Variants in RGS7 observed in about 807,000 individuals in gnomAD.
The protein encoded by RGS7 is regulator of G-protein signaling 7.
RGS7 carries 27 observed loss-of-function variants against 81.1 expected under a neutral mutation model. The observed-to-expected ratio is 0.33, with a 90% confidence interval of 0.25 to 0.46. The LOEUF (loss-of-function observed/expected upper bound fraction) is 0.46. Among genes scored for constraint, RGS7 ranks in the 20% least tolerant of loss-of-function variants. The pLI is 1.00. For synonymous variants in RGS7, 208 were observed against 207.7 expected (o/e 1.00, Z -0.01); for missense variants, 396 against 607.4 (o/e 0.65, Z 3.66).
intron 4 of RGS7, among the ~76,000 whole-genome samples, chr1:240,977,182 A>C (rs76737707): frequency 0.01 from 1,553 of 151,218 alleles, 26 homozygotes; most frequent in African/African-American, 0.036. Context: ...ATGAGTACTA[A>C]ATTTCAACAA....
chr1:241,280,672 T>C (rs1196158853), intron 2 of RGS7, among the ~76,000 whole-genome samples: 1 of 152,148 alleles, frequency 6.6e-6, no homozygotes, highest in African/African-American at 2.4e-5. Context: ...TATTTTTGTT[T>C]GTTTGTTTGA....
chr1:241,285,850 T>C (rs1163920268), intron 2 of RGS7, among the ~76,000 whole-genome samples: 1 of 152,182 alleles, frequency 6.6e-6, no homozygotes. Flanking sequence ...CGCCCCATCT[T>C]TTCCCCACTT....
chr1:241,315,107 CTTT>C (rs5782184), intron 2 of RGS7, among the ~76,000 whole-genome samples: 5 of 57,440 alleles, frequency 8.7e-5, no homozygotes, highest in African/African-American at 1.5e-4. Flanking sequence ...TCTTCTTCTT[CTTT>C]TTTTTTTTTT....
intron 4 of RGS7, among the ~76,000 whole-genome samples, chr1:240,951,803 A>G (rs1019620273): frequency 6.6e-6 from 1 of 151,338 alleles, no homozygotes; most frequent in Non-Finnish European, 1.5e-5. Flanking sequence ...AGAGAGAAAG[A>G]AAAGTAAATA....
chr1:240,775,861 T>C lies in RGS7; in HGVS notation c.*359A>G, dbSNP rs1682856120. The stretch of plus-strand genomic sequence containing the variant: ...GTGAACTGTGTGTCTAACTGAAGCT[T>C]TGAGAGAGAGAGAGAGAGAAAGAAG... On this transcript the variant is annotated 3_prime_UTR_variant, in exon 19 of 19. Coordinates refer to ENST00000440928, the MANE Select transcript of RGS7 (RefSeq NM_001364886.1). The C allele has an allele frequency of 3.0e-6, 1 of 332,314 alleles. No homozygotes were observed. The highest frequency in any genetic ancestry group is 5.7e-6 in the Non-Finnish European group (1 of 174,682). 20.6% of individuals were successfully genotyped at this position (332,314 alleles called of 1,614,324 possible). A position where few individuals can be genotyped will look rare whatever the true frequency, so the allele number is the denominator to read the frequency against.
At chr1:240,814,076 T>C (rs1304208634) in intron 12 of RGS7, among the ~76,000 whole-genome samples, 1 of 152,194 alleles carries the variant, frequency 6.6e-6, no homozygotes, top group Non-Finnish European at 1.5e-5. Context: ...GAACAGATTT[T>C]ATACAACTGA....
At chr1:240,958,128 G>A (rs1680760809) in intron 4 of RGS7, among the ~76,000 whole-genome samples, 2 of 152,232 alleles carry the variant, frequency 1.3e-5, no homozygotes, top group African/African-American at 2.4e-5. Flanking sequence ...CCTCAGGCCG[G>A]AGAAGGATGC....
intron 1 of RGS7, 66 bp from the exon 2 acceptor site, chr1:241,355,892 C>A (rs2083529922): frequency 3.6e-6 from 3 of 832,352 alleles, no homozygotes; most frequent in Non-Finnish European, 6.2e-6. Flanking sequence ...CATCATCATT[C>A]ACAGCACCCA....
intron 2 of RGS7, among the ~76,000 whole-genome samples, chr1:241,107,825 A>G (rs2065220081): frequency 6.6e-6 from 1 of 152,198 alleles, no homozygotes; most frequent in South Asian, 2.1e-4. Flanking sequence ...ACTTTGATTT[A>G]TAACACTGGA....
At chr1:241,001,316 T>C (rs1196664300) in intron 3 of RGS7, among the ~76,000 whole-genome samples, 1 of 152,108 alleles carries the variant, frequency 6.6e-6, no homozygotes, top group Non-Finnish European at 1.5e-5. Context: ...ATTGAGAGAA[T>C]TCCAAAAGGT....
intron 2 of RGS7, among the ~76,000 whole-genome samples, chr1:241,123,364 C>T (rs918544723): frequency 6.6e-6 from 1 of 152,186 alleles, no homozygotes; most frequent in African/African-American, 2.4e-5. Context: ...GAAGCAGAGA[C>T]AATGCCACTA....
At chr1:241,259,667 A>AAAAAAAAAAAAAAAAAAATATATATATAT in intron 2 of RGS7, among the ~76,000 whole-genome samples, 1 of 49,146 alleles carries the variant, frequency 2.0e-5, no homozygotes, top group Non-Finnish European at 3.6e-5. Context: ...AAAAAAAAAA[A>AAAAAAAAAAAAAAAAAAATATATATATAT]ATATATATAT....
chr1:241,227,570 C>CAA lies in RGS7; in HGVS notation c.78+128127_78+128128dup, dbSNP rs5782179. On this transcript the variant is annotated intron_variant, in intron 2 of 18. Coordinates refer to ENST00000440928, the MANE Select transcript of RGS7 (RefSeq NM_001364886.1). The stretch of plus-strand genomic sequence containing the variant: ...ACACACAGTGAGACTCTGTCTCTAC[C>CAA]AAAAAAAAAAAAAAAAAAATAGAAC... Among the ~76,000 whole-genome samples the CAA allele has an allele frequency of 2.9e-4, 30 of 103,724 alleles. 1 individual carries two copies. The highest frequency in any genetic ancestry group is 1.0e-3 in the African/African-American group (29 of 27,810). The allele number at this position is 103,724 out of a possible 152,430, so 68.0% of individuals were successfully genotyped here.
intron 6 of RGS7, among the ~76,000 whole-genome samples, chr1:240,878,041 A>G (rs2148067707): frequency 6.6e-6 from 1 of 151,984 alleles, no homozygotes; most frequent in African/African-American, 2.4e-5. Flanking sequence ...CCATTAAGTG[A>G]CCCTCTGGAT....
intron 2 of RGS7, among the ~76,000 whole-genome samples, chr1:241,211,107 A>G (rs758157001): frequency 1.4e-4 from 22 of 152,162 alleles, no homozygotes; most frequent in Non-Finnish European, 2.9e-4. Flanking sequence ...CAACATGGTA[A>G]AACCCCATCT....
intron 2 of RGS7, among the ~76,000 whole-genome samples, chr1:241,282,452 T>G (rs3964281): frequency 0.34 from 51,292 of 152,110 alleles, 9,501 homozygotes; most frequent in East Asian, 0.53. Context: ...CTGGACTCAT[T>G]CGTTAGTTCT....
In RGS7 at chr1:240,899,153, C is replaced by G. The variant is rs572699164; in HGVS notation, c.386-29034G>C. Among the ~76,000 whole-genome samples, 11 of 152,148 alleles carry G rather than the reference C, an allele frequency of 7.2e-5. No individual in the cohort carries two copies. The South Asian group carries it at 2.3e-3, about 32-fold the overall frequency. On this transcript the variant is annotated intron_variant, in intron 6 of 18. Transcript: ENST00000440928. ...TTTGCTTGGTAGATCTTCCTCCATCCCTTTATTTTGAGCCTATGTGTTGTC... is the reference window on the plus strand; with the variant it reads ...TTTGCTTGGTAGATCTTCCTCCATCGCTTTATTTTGAGCCTATGTGTTGTC...
At chr1:240,778,494 CT>C (rs1392101237) in intron 18 of RGS7, among the ~76,000 whole-genome samples, 1 of 152,152 alleles carries the variant, frequency 6.6e-6, no homozygotes, top group East Asian at 1.9e-4. Flanking sequence ...CACAACTTAG[CT>C]TTCAGCATCT....
At chr1:241,015,849 G>A (rs1312906284) in intron 3 of RGS7, among the ~76,000 whole-genome samples, 16 of 152,044 alleles carry the variant, frequency 1.1e-4, no homozygotes, top group Admixed American at 1.0e-3. Context: ...TCAAAGTAAG[G>A]CATTGACTTT....
Sources: allele counts gnomAD v4.1 joint callset (sites outside exome capture counted in the v4.1 genomes callset), GRCh38; gene constraint gnomAD v4.1.1; transcripts MANE v1.5; gene names NCBI Gene and HGNC (gene_info 2026-07-23, HGNC 2026-07-21).